The following DZANK1 variants were observed in gnomAD, a reference collection of about 807,000 sequenced individuals.
DZANK1 encodes double zinc ribbon and ankyrin repeat domains 1.
Under a neutral mutation model 94.5 loss-of-function variants are expected in DZANK1, and 91 were observed. The ratio of observed to expected loss-of-function variants is 0.96; its 90% CI spans 0.81 to 1.15. The LOEUF is 1.15. Among genes scored for constraint, DZANK1 ranks in the 50% most tolerant of loss-of-function variants. The probability of loss-of-function intolerance (pLI) is 0.00; values close to 1 mark genes in which losing one functional copy is unlikely to be tolerated. For missense variants in DZANK1, 903 were observed against 916.4 expected (o/e 0.99, Z 0.19); for synonymous variants, 312 against 325.3 (o/e 0.96, Z 0.44).
intron 8 of DZANK1, among the ~76,000 whole-genome samples, chr20:18,436,521 AAAT>A (rs1228753853): frequency 3.3e-5 from 5 of 152,150 alleles, no homozygotes; most frequent in Non-Finnish European, 7.4e-5. Context: ...GAACTTGAAC[AAAT>A]AGCTCAACAG....
chr20:18,443,361 G>C (rs1256080160), exon 8 of DZANK1: 26 of 1,549,202 alleles, frequency 1.7e-5, no homozygotes, highest in Non-Finnish European at 2.3e-5. Flanking sequence ...GCTCCTTCTG[G>C]GGGTGGGAGA....
At chr20:18,465,419 C>T (rs1407743385) in intron 1 of DZANK1, 42 bp from the exon 2 acceptor site, 1 of 66,230 alleles carries the variant, frequency 1.5e-5, no homozygotes, top group Non-Finnish European at 2.8e-5. Flanking sequence ...TACACAAAAG[C>T]TGAAGAGCAG....
intron 17 of DZANK1, 65 bp downstream of exon 17, chr20:18,393,646 C>G: frequency 9.0e-7 from 1 of 1,116,200 alleles, no homozygotes. Flanking sequence ...TAAAAAAGGT[C>G]AAAATAAAAC....
At chr20:18,432,502 T>C (rs1187148017) in intron 9 of DZANK1, 1 of 152,260 alleles carries the variant, frequency 6.6e-6, no homozygotes, top group Non-Finnish European at 1.5e-5. Flanking sequence ...TACCTGACTT[T>C]GGCCTGGCCA....
At chr20:18,395,905 A>C (rs1302350020) in intron 15 of DZANK1, among the ~76,000 whole-genome samples, 1 of 152,208 alleles carries the variant, frequency 6.6e-6, no homozygotes, top group Non-Finnish European at 1.5e-5. Flanking sequence ...CCATGCTTCT[A>C]TCCCAATTTC....
intron 2 of DZANK1, among the ~76,000 whole-genome samples, chr20:18,464,661 C>T (rs2059582796): frequency 6.8e-6 from 1 of 147,972 alleles, no homozygotes; most frequent in Non-Finnish European, 1.5e-5. Context: ...TTGGGGAGCA[C>T]CGGGACTTTT....
intron 10 of DZANK1, among the ~76,000 whole-genome samples, chr20:18,417,231 T>C (rs976992280): frequency 6.6e-6 from 1 of 152,164 alleles, no homozygotes; most frequent in South Asian, 2.1e-4. Context: ...AAATTCAATT[T>C]TGGGATTGTT....
chr20:18,394,401 C>T (rs2148225649), intron 15 of DZANK1, 51 bp from the exon 16 acceptor site: 1 of 1,552,326 alleles, frequency 6.4e-7, no homozygotes, highest in Admixed American at 1.8e-5. Context: ...TGCTTTGTCC[C>T]ACTAGAAAGA....
At chr20:18,419,888 T>TAA (rs1362468277) in intron 10 of DZANK1, among the ~76,000 whole-genome samples, 1 of 82,548 alleles carries the variant, frequency 1.2e-5, no homozygotes, top group African/African-American at 4.7e-5. Flanking sequence ...TTGGTGTAAA[T>TAA]ACAAAAAAAA....
At chr20:18,408,251 G>A (rs932730340) in intron 13 of DZANK1, among the ~76,000 whole-genome samples, 1 of 152,206 alleles carries the variant, frequency 6.6e-6, no homozygotes, top group Non-Finnish European at 1.5e-5. Flanking sequence ...AGGAGGTGGA[G>A]GTTGCAGTGA....
At chr20:18,400,014 A>G (rs1345605620) in intron 13 of DZANK1, among the ~76,000 whole-genome samples, 1 of 152,202 alleles carries the variant, frequency 6.6e-6, no homozygotes, top group East Asian at 1.9e-4. Flanking sequence ...TAAATCCTAA[A>G]TCTACCATTT....
At position 18,441,842 on chromosome 20, in the gene DZANK1, C is replaced by G. The variant is rs1049975691; in HGVS notation, c.747+1505G>C. On this transcript the variant is annotated intron_variant, in intron 8 of 20. Coordinates refer to ENST00000262547, the Ensembl canonical transcript of DZANK1. The surrounding 1 kb of genome is among the most constrained non-coding windows in gnomAD (Gnocchi z 4.1). The stretch of plus-strand genomic sequence containing the variant: ...GCTACTGGGATGCCCCAAAGACTAT[C>G]TGGGAAGCTGGCTGGGGTGCCAGTG... 2.0e-5 allele frequency among the ~76,000 whole-genome samples: 3 copies of G among 152,236 alleles called. No homozygotes were observed. The highest frequency in any genetic ancestry group is 4.4e-5 in the Non-Finnish European group (3 of 68,038).
chr20:18,394,863 A>G (rs1273636505), intron 15 of DZANK1: 1 of 456,764 alleles, frequency 2.2e-6, no homozygotes, highest in Non-Finnish European at 4.4e-6. Context: ...CCTCACCTGG[A>G]AAGTGGAAAT....
At chr20:18,460,919 C>T (rs1224700189) in intron 2 of DZANK1, among the ~76,000 whole-genome samples, 1 of 152,210 alleles carries the variant, frequency 6.6e-6, no homozygotes, top group African/African-American at 2.4e-5. Context: ...TCCTATTTTA[C>T]ACCCATCTTA....
At chr20:18,385,128 T>C in intron 19 of DZANK1, 38 bp from the exon 20 acceptor site, 1 of 1,545,024 alleles carries the variant, frequency 6.5e-7, no homozygotes, top group Non-Finnish European at 8.8e-7. Context: ...AATCCTTAGT[T>C]AGCATCATCA....
intron 13 of DZANK1, among the ~76,000 whole-genome samples, chr20:18,404,762 A>G (rs2056870129): frequency 1.3e-5 from 2 of 152,154 alleles, no homozygotes; most frequent in Admixed American, 1.3e-4. Context: ...GGAGTAAAAG[A>G]AGAGCCAGGA....
intron 7 of DZANK1, among the ~76,000 whole-genome samples, chr20:18,447,997 T>C (rs2058946128): frequency 6.6e-6 from 1 of 152,256 alleles, no homozygotes; most frequent in African/African-American, 2.4e-5. Context: ...TATTTTATTG[T>C]ATCTGTTAAT....
chr20:18,431,210 T>C (rs1013900198), intron 9 of DZANK1, among the ~76,000 whole-genome samples: 3 of 152,082 alleles, frequency 2.0e-5, no homozygotes, highest in African/African-American at 7.2e-5. Context: ...CTTCTGCTAC[T>C]GTATCTTCTA....
chr20:18,385,472 GT>G (rs1895059283), intron 19 of DZANK1, among the ~76,000 whole-genome samples: 1 of 151,928 alleles, frequency 6.6e-6, no homozygotes, highest in Admixed American at 6.6e-5. Flanking sequence ...GTGGAGTGCA[GT>G]GGTGTGATCT....
Sources: gnomAD v4.1 joint callset for allele counts (sites outside exome capture counted in the v4.1 genomes callset) on GRCh38, gnomAD v4.1.1 for gene constraint, Gnocchi (gnomAD v3.1) non-coding constraint, MANE v1.5 for transcripts, NCBI Gene and HGNC (gene_info 2026-07-23, HGNC 2026-07-21) for gene names.